The following TRAPPC12 variants were observed in gnomAD, a reference collection of about 807,000 sequenced individuals.
TRAPPC12 encodes TPR repeat protein 15.
In TRAPPC12, 61 loss-of-function variants were observed where a neutral mutation model predicts 69.2. The observed-to-expected ratio is 0.88, with a 90% confidence interval of 0.72 to 1.09. The LOEUF (loss-of-function observed/expected upper bound fraction) is 1.09, where lower values mean the gene tolerates loss of function less well. TRAPPC12 is among the 50% of genes least tolerant of loss of function. The pLI is 0.00. For synonymous variants in TRAPPC12, 469 were observed against 438.9 expected, an observed-to-expected ratio of 1.07 and a Z score of -0.86; for missense variants, 1,101 against 1,016.4, an observed-to-expected ratio of 1.08 and a Z score of -1.13.
At chr2:3,442,827 G>A (rs560264917) in intron 5 of TRAPPC12, among the ~76,000 whole-genome samples, 4 of 152,190 alleles carry the variant, frequency 2.6e-5, no homozygotes, top group Admixed American at 6.5e-5. Context: ...TCATACGCGT[G>A]TTTTCTCACC....
At chr2:3,460,137 G>T in intron 7 of TRAPPC12, 126 bp from the exon 8 acceptor site, 2 of 760,914 alleles carry the variant, frequency 2.6e-6, no homozygotes. Context: ...ATTCCAGGCC[G>T]AAATCCAGTG....
intron 8 of TRAPPC12, 130 bp downstream of exon 8, chr2:3,460,466 C>A: frequency 1.6e-6 from 1 of 632,184 alleles, no homozygotes; most frequent in African/African-American, 1.8e-5. Flanking sequence ...TAAGTACTGG[C>A]TTAACAGGGA....
chr2:3,412,352 G>C (rs1244193315), intron 3 of TRAPPC12, among the ~76,000 whole-genome samples: 1 of 152,138 alleles, frequency 6.6e-6, no homozygotes, highest in Non-Finnish European at 1.5e-5. Context: ...CCTGAGGTCA[G>C]GAGTTTTAAG....
intron 2 of TRAPPC12, among the ~76,000 whole-genome samples, chr2:3,399,829 G>A (rs1449986499): frequency 1.7e-5 from 2 of 115,920 alleles, no homozygotes; most frequent in East Asian, 2.9e-4. Context: ...CCGCCCCGCC[G>A]CCAAAAAAAA....
intron 1 of TRAPPC12, among the ~76,000 whole-genome samples, chr2:3,386,767 T>C (rs1045770759): frequency 1.3e-5 from 2 of 152,070 alleles, no homozygotes; most frequent in Non-Finnish European, 2.9e-5. Flanking sequence ...TTGAAGAGTC[T>C]TGGGAGGGCT....
At chr2:3,467,218 A>G (rs1047000448) in intron 9 of TRAPPC12, among the ~76,000 whole-genome samples, 1 of 152,122 alleles carries the variant, frequency 6.6e-6, no homozygotes, top group African/African-American at 2.4e-5. Context: ...CGCTTTTCTG[A>G]GGACACGGGG....
chr2:3,421,143 C>T (rs1421409934), intron 3 of TRAPPC12, among the ~76,000 whole-genome samples: 1 of 152,208 alleles, frequency 6.6e-6, no homozygotes, highest in Non-Finnish European at 1.5e-5. Context: ...GAGTGAGCAT[C>T]CACTTTTAGC....
At chr2:3,439,210 C>G (rs1253828052) in intron 5 of TRAPPC12, among the ~76,000 whole-genome samples, 2 of 152,152 alleles carry the variant, frequency 1.3e-5, no homozygotes, top group African/African-American at 4.8e-5. Flanking sequence ...TGATGAGCAT[C>G]TTTTTATATG....
At chr2:3,399,455 G>A (rs1421934414) in intron 2 of TRAPPC12, among the ~76,000 whole-genome samples, 1 of 152,188 alleles carries the variant, frequency 6.6e-6, no homozygotes. Context: ...GGTATTTGAA[G>A]TACTTCACCT....
At chr2:3,390,660 G>C (rs967490041) in intron 2 of TRAPPC12, among the ~76,000 whole-genome samples, 1 of 152,164 alleles carries the variant, frequency 6.6e-6, no homozygotes, top group Non-Finnish European at 1.5e-5. Flanking sequence ...TTAATGCTGG[G>C]TACATGTTGT....
At chr2:3,401,930 T>C in intron 3 of TRAPPC12, 37 bp downstream of exon 3, 2 of 1,354,316 alleles carry the variant, frequency 1.5e-6, no homozygotes, top group Non-Finnish European at 2.0e-6. Flanking sequence ...TGTTGTTTTG[T>C]GATAAGTCCT....
At chr2:3,459,551 C>T (rs920894323) in intron 7 of TRAPPC12, among the ~76,000 whole-genome samples, 1 of 152,090 alleles carries the variant, frequency 6.6e-6, no homozygotes, top group African/African-American at 2.4e-5. Context: ...AGAGATGGGC[C>T]CTGAAGGTTT....
chr2:3,466,778 C>T (rs1351468423), intron 9 of TRAPPC12, among the ~76,000 whole-genome samples: 1 of 152,174 alleles, frequency 6.6e-6, no homozygotes, highest in East Asian at 1.9e-4. Context: ...GGCACAGATG[C>T]GTGACGCGTG....
At chr2:3,452,770 A>G (rs1185516500) in intron 6 of TRAPPC12, among the ~76,000 whole-genome samples, 2 of 152,224 alleles carry the variant, frequency 1.3e-5, no homozygotes, top group Non-Finnish European at 2.9e-5. Flanking sequence ...GATCCCACAT[A>G]TCGAAACCTT....
chr2:3,393,409 G>A (rs1210899887), intron 2 of TRAPPC12, among the ~76,000 whole-genome samples: 1 of 152,134 alleles, frequency 6.6e-6, no homozygotes, highest in Non-Finnish European at 1.5e-5. Context: ...GCTGGGGATG[G>A]AATGTACATT....
At position 3,383,407 on chromosome 2, in the gene TRAPPC12, C is replaced by T. The variant is rs115344402; in HGVS notation, c.-5+3531C>T. On this transcript the variant is annotated intron_variant, in intron 1 of 11. Coordinates refer to ENST00000324266, the MANE Select transcript of TRAPPC12 (RefSeq NM_016030.6). ...CAGTTAATTTTTGATCCCCCACCCC[C>T]GCCCCGCCCGAGACGGAGTCTTTCT... Among the ~76,000 whole-genome samples, 1,397 of 150,226 alleles carry T rather than the reference C, an allele frequency of 9.3e-3. 28 individuals are homozygous for T. Among genetic ancestry groups the T allele is most frequent in the African/African-American group, 0.03 (1,215 of 40,670 alleles).
chr2:3,383,657 G>T (rs530964760), intron 1 of TRAPPC12, among the ~76,000 whole-genome samples: 1 of 151,800 alleles, frequency 6.6e-6, no homozygotes, highest in South Asian at 2.1e-4. Flanking sequence ...CGCCCGCCCC[G>T]GCCTCCGAAA....
chr2:3,390,397 T>C (rs1460564973), intron 2 of TRAPPC12, among the ~76,000 whole-genome samples: 1 of 152,220 alleles, frequency 6.6e-6, no homozygotes, highest in Non-Finnish European at 1.5e-5. Flanking sequence ...AGGAATGTAT[T>C]GTGAGGACAT....
chr2:3,388,005 G>C lies in TRAPPC12; in HGVS notation c.382G>C (p.Gly128Arg). 6.8e-7 allele frequency: 1 copy of C among 1,470,870 alleles called. No homozygotes were observed. Among genetic ancestry groups the C allele is most frequent in the South Asian group, 1.3e-5 (1 of 75,446 alleles). The allele number at this position is 1,470,870 out of a possible 1,614,324, so 91.1% of individuals were successfully genotyped here. A position where few individuals can be genotyped will look rare whatever the true frequency, so the allele number is the denominator to read the frequency against. Residue 128 changes from glycine to arginine, a missense_variant, in exon 2 of 12, where the codon GGA becomes CGA. Physicochemically the swap from Gly to Arg is moderately radical, Grantham distance 125 (BLOSUM62 -2). Coordinates refer to ENST00000324266, the MANE Select transcript of TRAPPC12 (RefSeq NM_016030.6). The stretch of plus-strand genomic sequence containing the variant: ...CCCCGAGGACGCGGCACCCAGTAGC[G>C]GAGGGGCCCCGAGGCAGGACGCGGC... ...CAPEDAAPSS[G>R]GAPRQDAARE... is the part of the protein sequence containing the mutation.
Sources: gnomAD v4.1 joint callset for allele counts (sites outside exome capture counted in the v4.1 genomes callset) on GRCh38, gnomAD v4.1.1 for gene constraint, MANE v1.5 for transcripts, NCBI Gene and HGNC (gene_info 2026-07-23, HGNC 2026-07-21) for gene names.